The following SMIM23 variants were observed in gnomAD, a reference collection of about 807,000 sequenced individuals.
SMIM23 encodes CTB-78H18.1.
A neutral mutation model predicts 12.8 loss-of-function variants in SMIM23; 10 were observed. The ratio of observed to expected loss-of-function variants is 0.78; its 90% CI spans 0.48 to 1.32. The LOEUF is 1.32. Among genes scored for constraint, SMIM23 ranks in the 40% most tolerant of loss-of-function variants. SMIM23 has a pLI of 0.00. For missense variants in SMIM23, 184 were observed against 198.2 expected, an observed-to-expected ratio of 0.93 and a Z score of 0.43; for synonymous variants, 78 against 80.1, an observed-to-expected ratio of 0.97 and a Z score of 0.14.
chr5:171,780,585 G>A (rs936344934), upstream of SMIM23, among the ~76,000 whole-genome samples: 2 of 152,018 alleles, frequency 1.3e-5, no homozygotes, highest in African/African-American at 4.8e-5. Flanking sequence ...TACTTTTTGT[G>A]ACCATAATTC....
At chr5:171,786,071 C>G (rs1755811482) in intron 1 of SMIM23, 95 bp downstream of exon 1, 2 of 1,039,684 alleles carry the variant, frequency 1.9e-6, no homozygotes, top group Admixed American at 4.1e-5. Flanking sequence ...CGGAATGAAT[C>G]TTGGACCCAA....
At chr5:171,788,749 A>G (rs997451490) in intron 1 of SMIM23, among the ~76,000 whole-genome samples, 1 of 152,228 alleles carries the variant, frequency 6.6e-6, no homozygotes, top group Non-Finnish European at 1.5e-5. Flanking sequence ...TCTTACACAA[A>G]TTATTTCATA....
chr5:171,783,040 G>A (rs1421710301), upstream of SMIM23, among the ~76,000 whole-genome samples: 1 of 152,108 alleles, frequency 6.6e-6, no homozygotes, highest in Admixed American at 6.5e-5. Flanking sequence ...GGCACATGGG[G>A]GCTTTTAAAG....
chr5:171,787,004 C>CTTTTTTTT (rs202159150), intron 1 of SMIM23, among the ~76,000 whole-genome samples: 14 of 71,292 alleles, frequency 2.0e-4, no homozygotes, highest in Non-Finnish European at 3.0e-4. Flanking sequence ...CCATTGTTTC[C>CTTTTTTTT]TTTTTTTTTT....
upstream of SMIM23, among the ~76,000 whole-genome samples, chr5:171,781,785 C>CT (rs1459238202): frequency 6.6e-6 from 1 of 152,174 alleles, no homozygotes; most frequent in Non-Finnish European, 1.5e-5. Context: ...GCTGGACTCC[C>CT]TGGGTCGAGT....
upstream of SMIM23, among the ~76,000 whole-genome samples, chr5:171,780,515 T>C (rs1337971472): frequency 2.0e-5 from 3 of 152,168 alleles, no homozygotes; most frequent in Admixed American, 6.5e-5. Flanking sequence ...CCTAGAAAAA[T>C]GTGACTGTAA....
At chr5:171,773,012 GC>G in the SMIM23 span, among the ~76,000 whole-genome samples, 370 of 152,240 alleles carry the variant, frequency 2.4e-3, 4 homozygotes, top group East Asian at 0.01. Flanking sequence ...CTTTTGGTTT[GC>G]CTTCAAGGAC....
upstream of SMIM23, chr5:171,785,784 A>G: frequency 9.7e-7 from 1 of 1,027,504 alleles, no homozygotes. Flanking sequence ...CAATGTTTGC[A>G]GGATGCCTGG....
At chr5:171,785,401 G>GTTT (rs113319310), upstream of SMIM23, among the ~76,000 whole-genome samples, 5 of 136,534 alleles carry the variant, frequency 3.7e-5, no homozygotes, top group African/African-American at 1.3e-4. Context: ...AGCTTTTATT[G>GTTT]TTTTTTTTTT....
In SMIM23 at chr5:171,790,274, G is replaced by T. The variant is rs1344553806; in HGVS notation, c.150G>T (p.Glu50Asp). 1 of 1,536,000 alleles carries T rather than the reference G, an allele frequency of 6.5e-7. No homozygotes were observed. The highest frequency in any genetic ancestry group is 8.7e-7 in the Non-Finnish European group (1 of 1,146,920). ...TCTTGGTGCTGTACTTGAGCACAGA[G>T]ATATGGGGTGAGCATTCTGGAATCT... ...LLILVLYLST[E>D]IWGSSWEVSE... Residue 50 changes from glutamate to aspartate, a missense_variant, in exon 2 of 4, where the codon GAG (glutamate) becomes GAT (aspartate). Glu to Asp is a conservative substitution (Grantham distance 45). Transcript: ENST00000523047.
chr5:171,786,285 A>G (rs1755815906), intron 1 of SMIM23, among the ~76,000 whole-genome samples: 1 of 152,178 alleles, frequency 6.6e-6, no homozygotes, highest in African/African-American at 2.4e-5. Flanking sequence ...TGAATGAACG[A>G]ATGAACTGAT....
upstream of SMIM23, among the ~76,000 whole-genome samples, chr5:171,778,107 C>A (rs1157039758): frequency 6.6e-6 from 1 of 152,164 alleles, no homozygotes; most frequent in Admixed American, 6.5e-5. Context: ...TGCCTGTAAT[C>A]CTAGCACTTC....
At chr5:171,779,353 T>A (rs1755689245), upstream of SMIM23, among the ~76,000 whole-genome samples, 1 of 152,204 alleles carries the variant, frequency 6.6e-6, no homozygotes, top group Non-Finnish European at 1.5e-5. Context: ...CCAGACTACT[T>A]CTCTCATTTT....
the SMIM23 span, among the ~76,000 whole-genome samples, chr5:171,775,139 A>G: frequency 6.6e-6 from 1 of 152,192 alleles, no homozygotes; most frequent in Admixed American, 6.5e-5. Flanking sequence ...ACAAATAGAC[A>G]CTGAGCCCTC....
intron 1 of SMIM23, among the ~76,000 whole-genome samples, chr5:171,788,294 A>G (rs997399391): frequency 3.9e-5 from 6 of 152,144 alleles, no homozygotes; most frequent in Admixed American, 6.6e-5. Flanking sequence ...GAAATAAATA[A>G]TAAAGACAAA....
the SMIM23 span, chr5:171,773,989 A>C: frequency 1.1e-5 from 4 of 380,074 alleles, no homozygotes; most frequent in Non-Finnish European, 2.1e-5. Context: ...CCATTTGTGC[A>C]TTTCTTGTGT....
At chr5:171,790,352 G>T in intron 2 of SMIM23, 71 bp downstream of exon 2, 2 of 1,524,146 alleles carry the variant, frequency 1.3e-6, no homozygotes, top group Non-Finnish European at 1.8e-6. Flanking sequence ...TCCAAAGATG[G>T]TTGTATGTTA....
chr5:171,790,988 C>T lies in SMIM23; in HGVS notation c.419C>T (p.Thr140Ile). The T allele has an allele frequency of 6.5e-7, 1 of 1,535,876 alleles. No homozygotes were observed. The highest frequency in any genetic ancestry group is 8.7e-7 in the Non-Finnish European group (1 of 1,146,906). Residue 140 changes from threonine to isoleucine, a missense_variant, in exon 4 of 4, where the codon ACA becomes ATA. Thr to Ile is a moderately conservative substitution (Grantham distance 89). Transcript: ENST00000523047. The part of the protein sequence containing the change: ...GEPHQEEHCS[T>I]YKSHLWEWAW... ...CCACACCAGGAGGAGCACTGCTCCA[C>T]ATATAAAAGTCACTTGTGGGAGTGG... is the stretch of plus-strand genomic sequence containing the variant.
chr5:171,778,095 C>T (rs980947383), upstream of SMIM23, among the ~76,000 whole-genome samples: 3 of 152,208 alleles, frequency 2.0e-5, no homozygotes, highest in African/African-American at 7.2e-5. Context: ...CACAGTGGCT[C>T]ATGCCTGTAA....
Sources: allele counts gnomAD v4.1 joint callset (sites outside exome capture counted in the v4.1 genomes callset), GRCh38; gene constraint gnomAD v4.1.1; transcripts MANE v1.5; gene names NCBI Gene and HGNC (gene_info 2026-07-23, HGNC 2026-07-21).